The following AZI2 variants were observed in gnomAD, a reference collection of about 807,000 sequenced individuals.
AZI2 encodes the protein 5-azacytidine induced 2, also known as 5-azacytidine-induced protein 2.
Under a neutral mutation model 45.8 loss-of-function variants are expected in AZI2, and 22 were observed. The ratio of observed to expected loss-of-function variants is 0.48; its 90% CI spans 0.34 to 0.69. The LOEUF (loss-of-function observed/expected upper bound fraction) is 0.69. Among genes scored for constraint, AZI2 ranks in the 30% least tolerant of loss-of-function variants. The pLI, the probability that AZI2 is intolerant of heterozygous loss-of-function variation, is 0.01. For missense variants in AZI2, 417 were observed against 441.5 expected (o/e 0.94, Z 0.50); for synonymous variants, 137 against 156.7 (o/e 0.87, Z 0.94).
chr3:28,335,018 C>A (rs969994666), intron 5 of AZI2, among the ~76,000 whole-genome samples: 31 of 151,686 alleles, frequency 2.0e-4, no homozygotes, highest in African/African-American at 7.3e-4. Flanking sequence ...GACTCTTGGG[C>A]CAAAGAAGTA....
chr3:28,340,834 A>C (rs1167375108), intron 1 of AZI2, among the ~76,000 whole-genome samples: 1 of 152,098 alleles, frequency 6.6e-6, no homozygotes, highest in African/African-American at 2.4e-5. Flanking sequence ...AGTACAAGAA[A>C]TAACAGCAAA....
chr3:28,324,505 T>C (rs773709190), intron 7 of AZI2, 51 bp from the exon 8 acceptor site: 9 of 1,376,380 alleles, frequency 6.5e-6, no homozygotes, highest in Non-Finnish European at 7.6e-6. Context: ...TTTGTGATCA[T>C]AAAATTCGAT....
chr3:28,332,860 C>T (rs1703643476), intron 5 of AZI2, among the ~76,000 whole-genome samples: 1 of 151,602 alleles, frequency 6.6e-6, no homozygotes, highest in African/African-American at 2.4e-5. Flanking sequence ...AAAAACACAC[C>T]AGAATTTTAA....
rs555802913 is a variant in AZI2 at position 28,321,546 on chromosome 3, A to G, written c.*2496T>C. The G allele has an allele frequency of 1.1e-4, 17 of 151,340 alleles. No individual in the cohort carries two copies. The highest frequency in any genetic ancestry group is 2.2e-4 in the Non-Finnish European group (15 of 67,552). The allele number at this position is 151,340 out of a possible 1,614,324, so 9.4% of individuals were successfully genotyped here. A position where few individuals can be genotyped will look rare whatever the true frequency, so the allele number is the denominator to read the frequency against. ...TTTTTTCACCTGGTACATCTGTCTC[A>G]GTTGTGTCTTGCTTGCTTATGGGTG... On this transcript the variant is annotated 3_prime_UTR_variant, in exon 8 of 8. Coordinates refer to ENST00000479665, the MANE Select transcript of AZI2 (RefSeq NM_022461.5).
At chr3:28,331,734 G>A in intron 6 of AZI2, 10 of 1,405,210 alleles carry the variant, frequency 7.1e-6, no homozygotes, top group Non-Finnish European at 9.3e-6. Flanking sequence ...AATGTAGAGA[G>A]GCTATCTTAA....
In AZI2 at chr3:28,336,884, C is replaced by T; in HGVS notation, c.441G>A (p.Val147=). 1 of 1,612,398 alleles carries T rather than the reference C, an allele frequency of 6.2e-7. No individual in the cohort carries two copies. Among genetic ancestry groups the T allele is most frequent in the Non-Finnish European group, 8.5e-7 (1 of 1,179,206 alleles). ...QLRTEVETQQ[V]MRNLNPPSSN... Reference sequence around the variant, plus strand: ...ATGAAGGTGGATTTAAATTCCTCATCACTACAAAAAGGATGGACACTGAAA... The same window carrying T: ...ATGAAGGTGGATTTAAATTCCTCATTACTACAAAAAGGATGGACACTGAAA... The change falls in exon 5 of 8, where the codon GTG becomes GTA. Residue 147 remains valine, a splice_region_variant and synonymous_variant. Transcript: ENST00000479665.
At chr3:28,341,152 T>C (rs1427237805) in intron 1 of AZI2, among the ~76,000 whole-genome samples, 1 of 152,108 alleles carries the variant, frequency 6.6e-6, no homozygotes, top group Admixed American at 6.6e-5. Context: ...TAATTGGCTA[T>C]GTTTGTTGTA....
At chr3:28,339,266 C>T (rs527496231) in intron 2 of AZI2, among the ~76,000 whole-genome samples, 64 of 151,992 alleles carry the variant, frequency 4.2e-4, no homozygotes, top group Non-Finnish European at 5.0e-4. Flanking sequence ...GTGTGAGCCA[C>T]CGTGCCCAGC....
intron 5 of AZI2, among the ~76,000 whole-genome samples, chr3:28,335,059 G>A (rs1207375588): frequency 1.3e-5 from 2 of 151,996 alleles, no homozygotes; most frequent in Non-Finnish European, 2.9e-5. Context: ...AATGAAGTTG[G>A]TTTAGAAGAC....
At chr3:28,345,144 A>G (rs772948620) in intron 1 of AZI2, among the ~76,000 whole-genome samples, 16 of 152,154 alleles carry the variant, frequency 1.1e-4, no homozygotes, top group Non-Finnish European at 2.1e-4. Flanking sequence ...GCAAATCAGA[A>G]TATCTGGGGT....
At chr3:28,332,299 C>T in intron 6 of AZI2, 70 bp downstream of exon 6, 1 of 1,365,954 alleles carries the variant, frequency 7.3e-7, no homozygotes, top group South Asian at 1.3e-5. Context: ...TAAAAGAAAT[C>T]TAAGGACCTA....
chr3:28,329,939 CTTA>C (rs1703514756), intron 6 of AZI2, among the ~76,000 whole-genome samples: 1 of 151,228 alleles, frequency 6.6e-6, no homozygotes, highest in Admixed American at 6.6e-5. Flanking sequence ...TTTTATAATG[CTTA>C]TTATAACTAA....
intron 1 of AZI2, among the ~76,000 whole-genome samples, chr3:28,346,443 C>T (rs559973989): frequency 6.6e-6 from 1 of 152,162 alleles, no homozygotes; most frequent in Non-Finnish European, 1.5e-5. Context: ...ATGGTACACA[C>T]ATTATCTCAA....
At chr3:28,337,849 A>T (rs2125656688) in intron 4 of AZI2, 88 bp downstream of exon 4, 1 of 755,658 alleles carries the variant, frequency 1.3e-6, no homozygotes, top group East Asian at 3.0e-5. Context: ...AGGTCTTAGC[A>T]TATGGATACA....
intron 5 of AZI2, among the ~76,000 whole-genome samples, chr3:28,334,969 C>T (rs1280054748): frequency 6.6e-6 from 1 of 151,902 alleles, no homozygotes; most frequent in African/African-American, 2.4e-5. Context: ...AATATTCCAG[C>T]CATTTATATT....
chr3:28,337,748 T>C (rs903368881), intron 4 of AZI2, among the ~76,000 whole-genome samples, 189 bp downstream of exon 4: 2 of 152,120 alleles, frequency 1.3e-5, no homozygotes, highest in Non-Finnish European at 2.9e-5. Flanking sequence ...AAAAGTGCAA[T>C]ATATAGCTAA....
chr3:28,330,189 A>C (rs1157658129), intron 6 of AZI2, among the ~76,000 whole-genome samples: 1 of 151,186 alleles, frequency 6.6e-6, no homozygotes, highest in East Asian at 1.9e-4. Context: ...GACATTGGTT[A>C]AATTTCTGAT....
intron 1 of AZI2, among the ~76,000 whole-genome samples, chr3:28,343,535 AT>A (rs879407760): frequency 8.2e-4 from 121 of 146,686 alleles, no homozygotes; most frequent in East Asian, 9.9e-4. Context: ...TACAATGTTG[AT>A]TTTTTTTTTT....
At chr3:28,343,379 AGAG>A (rs925871599) in intron 1 of AZI2, among the ~76,000 whole-genome samples, 4 of 151,968 alleles carry the variant, frequency 2.6e-5, no homozygotes, top group Non-Finnish European at 5.9e-5. Context: ...AAGGTTGAGA[AGAG>A]GAGTGGCAGG....
Sources: gnomAD v4.1 joint callset for allele counts (sites outside exome capture counted in the v4.1 genomes callset) on GRCh38, gnomAD v4.1.1 for gene constraint, MANE v1.5 for transcripts, NCBI Gene and HGNC (gene_info 2026-07-23, HGNC 2026-07-21) for gene names.